The following MSANTD3 variants were observed in gnomAD, a reference collection of about 807,000 sequenced individuals.
MSANTD3 encodes Myb/SANT DNA binding domain containing 3, also known as myb/SANT-like DNA-binding domain-containing protein 3.
A neutral mutation model predicts 27.7 loss-of-function variants in MSANTD3; 11 were observed. The ratio of observed to expected loss-of-function variants is 0.40; its 90% confidence interval spans 0.25 to 0.66. The LOEUF (loss-of-function observed/expected upper bound fraction) is 0.66, where lower values mean the gene tolerates loss of function less well. Among genes scored for constraint, MSANTD3 ranks in the 30% least tolerant of loss-of-function variants. The pLI is 0.41. For synonymous variants in MSANTD3, 131 were observed against 127.2 expected (o/e 1.03, Z -0.20); for missense variants, 250 against 336.5 (o/e 0.74, Z 2.01).
Position 100,451,039 on chromosome 9 carries a change from G to A in MSANTD3, c.*73G>A, listed in dbSNP as rs1248691976. ...GTCTGGAACATGGACTTGGCGGTCA[G>A]TAACCTGTAACAGAGCTACAACTAG... On this transcript the variant is annotated 3_prime_UTR_variant, in exon 3 of 3. Transcript: ENST00000395067. 2.1e-6 allele frequency: 3 copies of A among 1,423,332 alleles called. No individual in the cohort carries two copies. In the African/African-American group the frequency reaches 4.3e-5, roughly 20 times the overall value. The allele number at this position is 1,423,332 out of a possible 1,614,324, so 88.2% of individuals were successfully genotyped here.
chr9:100,445,387 G>T, intron 2 of MSANTD3: 1 of 541,970 alleles, frequency 1.8e-6, no homozygotes. Context: ...TTGAAATGTG[G>T]GTAGACCACA....
intron 2 of MSANTD3, among the ~76,000 whole-genome samples, chr9:100,443,190 G>T (rs1397903763): frequency 6.6e-6 from 1 of 152,066 alleles, no homozygotes; most frequent in Non-Finnish European, 1.5e-5. Flanking sequence ...ACCCGAGGTT[G>T]GGAGTTTGAG....
At chr9:100,439,776 C>T (rs992179271) in intron 1 of MSANTD3, among the ~76,000 whole-genome samples, 1 of 151,832 alleles carries the variant, frequency 6.6e-6, no homozygotes, top group Non-Finnish European at 1.5e-5. Context: ...GCCTCAGCCT[C>T]CCAAAGTCCT....
At chr9:100,434,680 A>G (rs925175903) in intron 1 of MSANTD3, among the ~76,000 whole-genome samples, 1 of 152,172 alleles carries the variant, frequency 6.6e-6, no homozygotes, top group African/African-American at 2.4e-5. Context: ...TTAAAGATCT[A>G]GCTCAAATGT....
intron 1 of MSANTD3, among the ~76,000 whole-genome samples, chr9:100,435,913 A>C (rs1836469018): frequency 6.6e-6 from 1 of 152,142 alleles, no homozygotes; most frequent in African/African-American, 2.4e-5. Flanking sequence ...TAAACAGATG[A>C]ATTTTTGTTT....
At chr9:100,442,481 A>C (rs187914410) in intron 2 of MSANTD3, 125 bp downstream of exon 2, 2 of 1,412,636 alleles carry the variant, frequency 1.4e-6, no homozygotes, top group East Asian at 4.9e-5. Flanking sequence ...CAATTTTCCT[A>C]ATTCAAGATC....
At chr9:100,439,509 T>C (rs1268726815) in intron 1 of MSANTD3, among the ~76,000 whole-genome samples, 2 of 151,884 alleles carry the variant, frequency 1.3e-5, no homozygotes, top group Non-Finnish European at 2.9e-5. Flanking sequence ...CTAATTTTTT[T>C]TTTTTTAATT....
intron 1 of MSANTD3, among the ~76,000 whole-genome samples, chr9:100,435,440 A>G (rs1836460650): frequency 6.6e-6 from 1 of 152,240 alleles, no homozygotes; most frequent in Admixed American, 6.5e-5. Context: ...TCTTTGCTCA[A>G]ACTTTAGGAC....
intron 2 of MSANTD3, chr9:100,449,237 A>C: frequency 1.0e-6 from 1 of 985,406 alleles, no homozygotes; most frequent in South Asian, 4.7e-5. Context: ...TTACTGCTCT[A>C]ATAAAAAAAG....
At chr9:100,439,462 C>A (rs895601492) in intron 1 of MSANTD3, among the ~76,000 whole-genome samples, 5 of 151,688 alleles carry the variant, frequency 3.3e-5, no homozygotes, top group Non-Finnish European at 1.5e-5. Context: ...TCAAATTATT[C>A]CATTTTTGGC....
rs781488840 is a variant in MSANTD3 at position 100,441,922 on chromosome 9, G to GAGA, written c.-15_-13dup. Reference sequence around the variant, plus strand: ...CTTTTACAGGATAGCTAGCGGCCAGGAGAAATACAGTGGAAAATGCAAAAC... The same window carrying GAGA: ...CTTTTACAGGATAGCTAGCGGCCAGGAGAAGAAATACAGTGGAAAATGCAAAAC... On this transcript the variant is annotated 5_prime_UTR_variant, in exon 2 of 3. Coordinates refer to ENST00000395067, the MANE Select transcript of MSANTD3 (RefSeq NM_080655.3). 3 of 1,591,158 alleles carry GAGA rather than the reference G, an allele frequency of 1.9e-6. No individual in the cohort carries two copies. In the South Asian group the frequency reaches 3.4e-5, roughly 18 times the overall value.
At chr9:100,444,259 G>T in intron 2 of MSANTD3, 1 of 152,166 alleles carries the variant, frequency 6.6e-6, no homozygotes, top group South Asian at 2.1e-4. Flanking sequence ...GATTTCCAGT[G>T]TGGGAACCTC....
chr9:100,446,645 G>A (rs191161666), intron 2 of MSANTD3, among the ~76,000 whole-genome samples: 1 of 152,134 alleles, frequency 6.6e-6, no homozygotes, highest in African/African-American at 2.4e-5. Flanking sequence ...GGCCAACATG[G>A]CAAAACTCCT....
rs147821601 is a variant in MSANTD3 at position 100,437,966 on chromosome 9, T to C, written c.-33-3940T>C. ...GTTATCTGCTATTATATTATTGCTATCATTATTATTACTCTGAGACTCAAC... is the reference window on the plus strand; with the variant it reads ...GTTATCTGCTATTATATTATTGCTACCATTATTATTACTCTGAGACTCAAC... On this transcript the variant is annotated intron_variant, in intron 1 of 2. Transcript: ENST00000395067. Among the ~76,000 whole-genome samples the C allele has an allele frequency of 3.1e-3, 470 of 152,330 alleles. 2 individuals are homozygous for C. The highest frequency in any genetic ancestry group is 0.011 in the African/African-American group (442 of 41,566).
intron 1 of MSANTD3, among the ~76,000 whole-genome samples, chr9:100,436,142 C>CT (rs1836472807): frequency 6.6e-6 from 1 of 152,100 alleles, no homozygotes; most frequent in Admixed American, 6.6e-5. Flanking sequence ...TTTAATGCAG[C>CT]TTTTTTTCAT....
intron 1 of MSANTD3, among the ~76,000 whole-genome samples, chr9:100,431,345 A>G (rs1836373724): frequency 7.4e-6 from 1 of 134,604 alleles, no homozygotes. Context: ...TTACTCTTTC[A>G]CCTAGGTTGG....
At chr9:100,436,163 GGTCTCACT>G in intron 1 of MSANTD3, among the ~76,000 whole-genome samples, 1 of 151,966 alleles carries the variant, frequency 6.6e-6, no homozygotes, top group Non-Finnish European at 1.5e-5. Context: ...TAAGAGATGG[GGTCTCACT>G]GTGTTGTCCA....
intron 2 of MSANTD3, among the ~76,000 whole-genome samples, chr9:100,445,746 C>G (rs535359136): frequency 4.9e-4 from 75 of 152,104 alleles, no homozygotes; most frequent in Non-Finnish European, 1.1e-3. Context: ...CCACTAGAGG[C>G]CTCCCTGCAA....
At chr9:100,427,656 G>A (rs1361543075) in intron 1 of MSANTD3, 1 of 152,238 alleles carries the variant, frequency 6.6e-6, no homozygotes, top group Non-Finnish European at 1.5e-5. Context: ...TGGGAGCGGG[G>A]TGGGCTTTGG....
Sources: allele counts gnomAD v4.1 joint callset (sites outside exome capture counted in the v4.1 genomes callset), GRCh38; gene constraint gnomAD v4.1.1; transcripts MANE v1.5; gene names NCBI Gene and HGNC (gene_info 2026-07-23, HGNC 2026-07-21).